KCNIP4: variants seen among roughly 807,000 people sequenced by gnomAD.
The protein encoded by KCNIP4 is Kv channel-interacting protein 4.
A neutral mutation model predicts 34.0 loss-of-function variants in KCNIP4; 12 were observed. That is an observed-to-expected ratio of 0.35 (90% CI 0.23 to 0.57). The LOEUF (loss-of-function observed/expected upper bound fraction) is 0.57. KCNIP4 is among the 20% of genes least tolerant of loss of function. The pLI, the probability that KCNIP4 is intolerant of heterozygous loss-of-function variation, is 0.83. For synonymous variants in KCNIP4, 124 were observed against 102.2 expected (o/e 1.21, Z -1.29); for missense variants, 238 against 311.7 (o/e 0.76, Z 1.78).
intron 1 of KCNIP4, among the ~76,000 whole-genome samples, chr4:21,829,288 T>C (rs1428826660): frequency 2.0e-5 from 3 of 152,054 alleles, no homozygotes; most frequent in Admixed American, 2.0e-4. Context: ...AACCATTGTA[T>C]GTCAGAAACC....
At chr4:21,495,630 A>G (rs1282580687) in intron 1 of KCNIP4, among the ~76,000 whole-genome samples, 1 of 151,862 alleles carries the variant, frequency 6.6e-6, no homozygotes. Context: ...TACACAATTC[A>G]GAACTCAACA....
intron 1 of KCNIP4, among the ~76,000 whole-genome samples, chr4:21,092,317 G>A (rs942859745): frequency 3.3e-5 from 5 of 151,402 alleles, no homozygotes; most frequent in Admixed American, 6.6e-5. Flanking sequence ...TCCCAAAGAT[G>A]GAGAATTAAA....
chr4:21,131,311 T>G lies in KCNIP4; in HGVS notation c.62-248602A>C, dbSNP rs142306102. Among the ~76,000 whole-genome samples, 92 of 152,310 alleles carry G rather than the reference T, an allele frequency of 6.0e-4. 1 individual carries two copies. The Middle Eastern group carries it at 0.034, about 56-fold the overall frequency. ...AGCCAATCGCAAAAAAGTACACTAT[T>G]GTATGTTATACATTTACATATAGAA... On this transcript the variant is annotated intron_variant, in intron 1 of 8. Transcript: ENST00000382152.
chr4:21,709,143 T>C (rs562567419), intron 1 of KCNIP4, among the ~76,000 whole-genome samples: 10 of 152,088 alleles, frequency 6.6e-5, no homozygotes, highest in Non-Finnish European at 1.0e-4. Context: ...AAAAAAACAA[T>C]TGTGAGTCTG....
chr4:21,354,430 C>T (rs1312658575), intron 1 of KCNIP4, among the ~76,000 whole-genome samples: 1 of 151,952 alleles, frequency 6.6e-6, no homozygotes, highest in Admixed American at 6.6e-5. Flanking sequence ...CACACATAGG[C>T]TTAAAATAAA....
At chr4:21,044,887 G>A (rs903123717) in intron 1 of KCNIP4, among the ~76,000 whole-genome samples, 1 of 152,148 alleles carries the variant, frequency 6.6e-6, no homozygotes, top group Non-Finnish European at 1.5e-5. Context: ...GGGGCCACCT[G>A]CTCCTTTCAC....
At chr4:21,788,647 T>C (rs73105910) in intron 1 of KCNIP4, among the ~76,000 whole-genome samples, 17,338 of 152,180 alleles carry the variant, frequency 0.11, 2,956 homozygotes, top group African/African-American at 0.37. Flanking sequence ...TCCCTACAAA[T>C]ACTGATGTTT....
chr4:20,757,196 A>G (rs1383230973), intron 4 of KCNIP4, among the ~76,000 whole-genome samples: 3 of 152,142 alleles, frequency 2.0e-5, no homozygotes, highest in Non-Finnish European at 2.9e-5. Context: ...AAGTTAGTTC[A>G]TCACTAAATT....
At chr4:21,139,447 T>C (rs1751763494) in intron 1 of KCNIP4, among the ~76,000 whole-genome samples, 1 of 152,234 alleles carries the variant, frequency 6.6e-6, no homozygotes, top group Non-Finnish European at 1.5e-5. Context: ...TTTGGATACA[T>C]GGCCCAGATG....
At chr4:21,670,841 A>G (rs1749436130) in intron 1 of KCNIP4, among the ~76,000 whole-genome samples, 2 of 152,024 alleles carry the variant, frequency 1.3e-5, no homozygotes, top group Non-Finnish European at 2.9e-5. Context: ...TATTTTTAGT[A>G]GAGACGGGGT....
At chr4:20,743,162 G>C (rs1210458038) in intron 5 of KCNIP4, among the ~76,000 whole-genome samples, 1 of 152,050 alleles carries the variant, frequency 6.6e-6, no homozygotes, top group Non-Finnish European at 1.5e-5. Context: ...TGGATAGGAA[G>C]AATCCATATC....
chr4:21,365,478 AAAATAAATAAATAAAT>A (rs3048729), intron 1 of KCNIP4, among the ~76,000 whole-genome samples: 5 of 132,070 alleles, frequency 3.8e-5, no homozygotes, highest in Non-Finnish European at 7.8e-5. Context: ...ACTGTCTCAA[AAAATAAATAAATAAAT>A]AAATAAATAA....
intron 1 of KCNIP4, among the ~76,000 whole-genome samples, chr4:21,033,103 T>A (rs2149766890): frequency 6.6e-6 from 1 of 150,612 alleles, no homozygotes; most frequent in African/African-American, 2.5e-5. Flanking sequence ...AATGAATGAA[T>A]AAATAAATAA....
chr4:21,242,853 A>G (rs1034112543), intron 1 of KCNIP4, among the ~76,000 whole-genome samples: 4 of 150,602 alleles, frequency 2.7e-5, no homozygotes, highest in African/African-American at 4.9e-5. Flanking sequence ...AAATAAATAC[A>G]TCTCTTTCTC....
At chr4:21,438,955 G>A (rs184243292) in intron 1 of KCNIP4, among the ~76,000 whole-genome samples, 1,795 of 152,210 alleles carry the variant, frequency 0.012, 42 homozygotes, top group African/African-American at 0.041. Context: ...GAGGTCAGGA[G>A]ATCGAGACCA....
At chr4:20,774,781 T>C (rs968955646) in intron 3 of KCNIP4, among the ~76,000 whole-genome samples, 6 of 152,180 alleles carry the variant, frequency 3.9e-5, no homozygotes, top group African/African-American at 9.7e-5. Context: ...AAACCTGTGA[T>C]GTGATCAATG....
intron 3 of KCNIP4, among the ~76,000 whole-genome samples, chr4:20,768,053 T>C (rs1374120800): frequency 6.6e-6 from 1 of 152,192 alleles, no homozygotes; most frequent in East Asian, 1.9e-4. Context: ...CAGGAGAATT[T>C]TCAAAATTTA....
chr4:21,150,622 C>G (rs890996853), intron 1 of KCNIP4, among the ~76,000 whole-genome samples: 2 of 152,142 alleles, frequency 1.3e-5, no homozygotes, highest in African/African-American at 2.4e-5. Context: ...CAACATGGCT[C>G]AAGTGGTTAT....
intron 1 of KCNIP4, among the ~76,000 whole-genome samples, chr4:21,526,807 G>A (rs1392625055): frequency 6.6e-6 from 1 of 152,110 alleles, no homozygotes; most frequent in African/African-American, 2.4e-5. Flanking sequence ...AGAACGCTGA[G>A]AGCACTCCAG....
Sources: allele counts gnomAD v4.1 joint callset (sites outside exome capture counted in the v4.1 genomes callset), GRCh38; gene constraint gnomAD v4.1.1; transcripts MANE v1.5; gene names NCBI Gene and HGNC (gene_info 2026-07-23, HGNC 2026-07-21).